KIR2DL1: variants seen among roughly 807,000 people sequenced by gnomAD.
The protein encoded by KIR2DL1 is killer cell immunoglobulin like receptor, two Ig domains and long cytoplasmic tail 1.
A neutral mutation model predicts 33.9 loss-of-function variants in KIR2DL1; 38 were observed. The ratio of observed to expected loss-of-function variants is 1.12; its 90% confidence interval spans 0.86 to 1.47. The LOEUF (loss-of-function observed/expected upper bound fraction) is 1.47, where lower values mean the gene tolerates loss of function less well. Ranked by LOEUF, KIR2DL1 falls within the 40% of genes most tolerant of loss-of-function variation. The probability of loss-of-function intolerance (pLI) is 0.00; values close to 1 mark genes in which losing one functional copy is unlikely to be tolerated. For synonymous variants in KIR2DL1, 179 were observed against 165.9 expected (o/e 1.08, Z -0.61); for missense variants, 531 against 433.9 (o/e 1.22, Z -1.99).
At position 54,770,772 on chromosome 19, in the gene KIR2DL1, C is replaced by A. The variant is rs2075615594; in HGVS notation, c.35-77C>A. The A allele has an allele frequency of 1.9e-6, 3 of 1,545,566 alleles. 1 individual carries two copies. The highest frequency in any genetic ancestry group is 2.7e-6 in the Non-Finnish European group (3 of 1,122,332). The stretch of plus-strand genomic sequence containing the variant: ...CCCAGGAAGGGCCTGGCTACCAAGA[C>A]TCACAGCCCAGTGGGGGCAGCAAGG... On this transcript the variant is annotated intron_variant, in intron 1 of 7. Coordinates refer to ENST00000336077, the MANE Select transcript of KIR2DL1 (RefSeq NM_014218.3).
chr19:54,775,824 C>T (rs111728007), intron 4 of KIR2DL1, among the ~76,000 whole-genome samples: 18,427 of 135,074 alleles, frequency 0.14, 5 homozygotes, highest in South Asian at 0.22. Flanking sequence ...TCACCAGCAA[C>T]CCCTACACCC....
rs2076219515 is a variant in KIR2DL1, at chr19:54,775,443, C to T, written c.649C>T (p.Leu217Phe). ...GTGGTCAAAGTCAAGTGACCCACTG[C>T]TTGTTTCTGTCACAGGTGAGGAAAG... The part of the protein sequence containing the change: ...YEWSKSSDPL[L>F]VSVTGNPSNS... Residue 217 changes from leucine (L) to phenylalanine (F), a missense_variant, in exon 4 of 8, where the codon CTT (leucine) becomes TTT (phenylalanine). By Grantham distance (22) the Leu-to-Phe change is conservative. Transcript: ENST00000336077. 2.5e-6 allele frequency: 4 copies of T among 1,584,272 alleles called. 1 individual carries two copies. Among genetic ancestry groups the T allele is most frequent in the African/African-American group, 1.4e-5 (1 of 74,000 alleles).
At position 54,771,859 on chromosome 19, in the gene KIR2DL1, G is replaced by A. The variant is rs750031095; in HGVS notation, c.70+975G>A. On this transcript the variant is annotated intron_variant, in intron 2 of 7. Coordinates refer to ENST00000336077, the MANE Select transcript of KIR2DL1 (RefSeq NM_014218.3). ...AACCACACTACCCCAGTGGGTGGTC[G>A]GCACCCAGCAACCCCCTGGAGATCA... 8.1e-3 allele frequency among the ~76,000 whole-genome samples: 1,193 copies of A among 147,482 alleles called. 42 individuals carry two copies. The highest frequency in any genetic ancestry group is 0.017 in the Middle Eastern group (5 of 290).
In KIR2DL1 at chr19:54,776,619, T is replaced by G. The variant is rs1219249678; in HGVS notation, c.664+1161T>G. On this transcript the variant is annotated intron_variant, in intron 4 of 7. Coordinates refer to ENST00000336077, the MANE Select transcript of KIR2DL1 (RefSeq NM_014218.3). ...TAAACCCAGTAGTGAAATTGCTGGA[T>G]ACTATGAAAGTTCTCTTTTTTTTTT... Among the ~76,000 whole-genome samples, 10 of 140,620 alleles carry G rather than the reference T, an allele frequency of 7.1e-5. No homozygotes were observed. In the East Asian group the frequency reaches 1.8e-3, roughly 25 times the overall value. The allele number at this position is 140,620 out of a possible 152,430, so 92.3% of individuals were successfully genotyped here. A position where few individuals can be genotyped will look rare whatever the true frequency, so the allele number is the denominator to read the frequency against.
Position 54,770,950 on chromosome 19 carries a change from G to C in KIR2DL1, c.70+66G>C, listed in dbSNP as rs576776311. The C allele has an allele frequency of 3.4e-4, 528 of 1,556,872 alleles. 48 individuals carry two copies. The highest frequency in any genetic ancestry group is 1.8e-3 in the South Asian group (164 of 89,844). On this transcript the variant is annotated intron_variant, in intron 2 of 7. Transcript: ENST00000336077. Reference sequence around the variant, plus strand: ...TAAGAGGATTTTCCTGAAATGGGAGGGAAGTCCTGTCAGGGAGTCTCTCAT... The same window carrying C: ...TAAGAGGATTTTCCTGAAATGGGAGCGAAGTCCTGTCAGGGAGTCTCTCAT...
rs113094595 is a variant in KIR2DL1, at chr19:54,782,822, A to G, written c.716-100A>G. ...TGCCATCTGGGTGCTTGTCCTAAAG[A>G]GGTGTTTTATGTGGTTACCTGTCAA... On this transcript the variant is annotated intron_variant, in intron 5 of 7. Transcript: ENST00000336077. 111 of 1,293,216 alleles carry G rather than the reference A, an allele frequency of 8.6e-5. 1 individual carries two copies. The Admixed American group carries it at 1.3e-3, about 15-fold the overall frequency. 80.1% of individuals were successfully genotyped at this position (1,293,216 alleles called of 1,614,324 possible). A position where few individuals can be genotyped will look rare whatever the true frequency, so the allele number is the denominator to read the frequency against.
intron 2 of KIR2DL1, among the ~76,000 whole-genome samples, chr19:54,771,967 G>C (rs1424083500): frequency 1.4e-5 from 2 of 148,004 alleles, no homozygotes; most frequent in African/African-American, 4.9e-5. Context: ...GCGTGTCCTT[G>C]CGGGTCCCAT....
chr19:54,770,593 C>T (rs1600685293), intron 1 of KIR2DL1, among the ~76,000 whole-genome samples: 1 of 143,450 alleles, frequency 7.0e-6, no homozygotes, highest in Non-Finnish European at 1.6e-5. Flanking sequence ...GCGATATGGG[C>T]TTAGGGTGGA....
Position 54,773,648 on chromosome 19 carries a change from CT to C in KIR2DL1, c.370+19del. 6.4e-7 allele frequency: 1 copy of C among 1,554,190 alleles called. No homozygotes were observed. The highest frequency in any genetic ancestry group is 8.8e-7 in the Non-Finnish European group (1 of 1,134,388). On this transcript the variant is annotated intron_variant, in intron 3 of 7. Transcript: ENST00000336077. ...GTGATCATAGGTGAGAGTGTCCAGA[CT>C]TTCTTCTCATTGTCATTGGGATGCA...
intron 3 of KIR2DL1, among the ~76,000 whole-genome samples, chr19:54,774,761 G>A (rs1299450353): frequency 4.0e-5 from 6 of 148,254 alleles, no homozygotes; most frequent in South Asian, 2.1e-4. Flanking sequence ...ATGATATATA[G>A]ATATAGATGA....
In KIR2DL1 at chr19:54,777,622, G is replaced by C. The variant is rs187164041; in HGVS notation, c.665-990G>C. 2.7e-5 allele frequency among the ~76,000 whole-genome samples: 4 copies of C among 148,880 alleles called. No individual in the cohort carries two copies. In the East Asian group the frequency reaches 7.8e-4, roughly 29 times the overall value. ...CATATTTGCTCCCAATCTGTGGGTT[G>C]TCTCTTCACTTTGTTGGTTTATTTT... is the stretch of plus-strand genomic sequence containing the variant. On this transcript the variant is annotated intron_variant, in intron 4 of 7. Coordinates refer to ENST00000336077, the MANE Select transcript of KIR2DL1 (RefSeq NM_014218.3).
chr19:54,781,253 T>A (rs2076897697), intron 5 of KIR2DL1, among the ~76,000 whole-genome samples: 1 of 142,730 alleles, frequency 7.0e-6, no homozygotes, highest in African/African-American at 2.6e-5. Context: ...CCAATCATCG[T>A]TTTTCTATTT....
chr19:54,780,658 G>A (rs1284704489), intron 5 of KIR2DL1, among the ~76,000 whole-genome samples: 29 of 143,130 alleles, frequency 2.0e-4, no homozygotes, highest in African/African-American at 7.4e-4. Flanking sequence ...GGTGAAATGT[G>A]GTGCTGATTT....
chr19:54,771,335 C>T (rs1600698204), intron 2 of KIR2DL1, among the ~76,000 whole-genome samples: 1 of 148,372 alleles, frequency 6.7e-6, no homozygotes, highest in African/African-American at 2.5e-5. Flanking sequence ...ACATGCCCTC[C>T]ACCCCATGTC....
chr19:54,777,703 G>C (rs1279190968), intron 4 of KIR2DL1, among the ~76,000 whole-genome samples: 1 of 146,404 alleles, frequency 6.8e-6, no homozygotes, highest in Non-Finnish European at 1.5e-5. Flanking sequence ...TTTTTGCTTC[G>C]ATTACTTGTG....
chr19:54,779,528 C>T (rs634881), intron 5 of KIR2DL1, among the ~76,000 whole-genome samples: 28 of 142,178 alleles, frequency 2.0e-4, no homozygotes, highest in South Asian at 4.5e-4. Flanking sequence ...CCTTCTTCCT[C>T]ATCTTTTGAA....
rs563389727 is a variant in KIR2DL1 at position 54,776,819 on chromosome 19, T to C, written c.664+1361T>C. 1.8e-3 allele frequency among the ~76,000 whole-genome samples: 270 copies of C among 146,708 alleles called. 11 individuals are homozygous for C. Among genetic ancestry groups the C allele is most frequent in the Middle Eastern group, 7.0e-3 (2 of 286 alleles). ...CCATGCCTGGCTACTTTTTGGTTTT[T>C]TTAGTATAGATGCGGTTTCCCCATG... On this transcript the variant is annotated intron_variant, in intron 4 of 7. Transcript: ENST00000336077.
chr19:54,778,458 GT>G (rs2076596836), intron 4 of KIR2DL1, among the ~76,000 whole-genome samples, 153 bp from the exon 5 acceptor site: 1 of 145,370 alleles, frequency 6.9e-6, no homozygotes, highest in African/African-American at 2.5e-5. Flanking sequence ...GACAGTGGGT[GT>G]CATATAAAAA....
rs1200350439 is a variant in KIR2DL1, at chr19:54,771,160, A to G, written c.70+276A>G. Among the ~76,000 whole-genome samples the G allele has an allele frequency of 2.7e-5, 4 of 148,400 alleles. 1 individual carries two copies. Among genetic ancestry groups the G allele is most frequent in the Non-Finnish European group, 4.5e-5 (3 of 66,212 alleles). On this transcript the variant is annotated intron_variant, in intron 2 of 7. Coordinates refer to ENST00000336077, the MANE Select transcript of KIR2DL1 (RefSeq NM_014218.3). ...TCCTCTGAGGACAAAGGTGTTACTCACACACTTCAGCGTTTCCATGACGGT... is the reference window on the plus strand; with the variant it reads ...TCCTCTGAGGACAAAGGTGTTACTCGCACACTTCAGCGTTTCCATGACGGT...
Sources: gnomAD v4.1 joint callset for allele counts (sites outside exome capture counted in the v4.1 genomes callset) on GRCh38, gnomAD v4.1.1 for gene constraint, MANE v1.5 for transcripts, NCBI Gene and HGNC (gene_info 2026-07-23, HGNC 2026-07-21) for gene names.